The following NEBL variants were observed in gnomAD, a reference collection of about 807,000 sequenced individuals.
NEBL encodes the protein LIM and SH3 protein 2.
In NEBL, 122 loss-of-function variants were observed where a neutral mutation model predicts 140.2. The ratio of observed to expected loss-of-function variants is 0.87; its 90% CI spans 0.75 to 1.01. NEBL has a LOEUF of 1.01. NEBL is among the 50% of genes least tolerant of loss of function. NEBL has a pLI of 0.00. For synonymous variants in NEBL, 436 were observed against 398.9 expected (o/e 1.09, Z -1.11); for missense variants, 1,365 against 1,231.3 (o/e 1.11, Z -1.62).
chr10:21,257,027 C>T (rs1170470405), intron 1 of NEBL, among the ~76,000 whole-genome samples: 1 of 152,202 alleles, frequency 6.6e-6, no homozygotes, highest in East Asian at 1.9e-4. Flanking sequence ...GGAATAACAA[C>T]ACTATGAAAA....
intron 2 of NEBL, among the ~76,000 whole-genome samples, chr10:21,150,855 T>G (rs1426549218): frequency 6.6e-6 from 1 of 152,192 alleles, no homozygotes; most frequent in African/African-American, 2.4e-5. Context: ...AAGTGGAATT[T>G]CACCAACTTC....
Position 20,787,255 on chromosome 10 carries a change from T to C in NEBL, c.2815A>G (p.Met939Val), listed in dbSNP as rs1835497753. The C allele has an allele frequency of 6.2e-7, 1 of 1,613,594 alleles. No individual in the cohort carries two copies. Among genetic ancestry groups the C allele is most frequent in the Non-Finnish European group, 8.5e-7 (1 of 1,179,750 alleles). The change falls in exon 27 of 28, where the codon ATG becomes GTG. Residue 939 changes from methionine to valine, a missense_variant. By Grantham distance (21) the Met-to-Val change is conservative. Coordinates refer to ENST00000377122, the MANE Select transcript of NEBL (RefSeq NM_006393.3). The stretch of plus-strand genomic sequence containing the variant: ...ATGGATGACACACTGGTCTGGTGCA[T>C]GTAGCCATAGCCTTGGGAATGGCTT... ...QQSHSQGYGY[M>V]HQTSVSSMRS...
rs201210624 is a variant in NEBL, at chr10:20,817,665, C to T, written c.2083G>A (p.Gly695Arg). The part of the protein sequence containing the change: ...AVKYKGELQR[G>R]TAISDPPELK... ...TCTGGTGGATCAGAAATTGCAGTTCCCCGTTGAAGTTCTCCCTTATATTTT... is the reference window on the plus strand; with the variant it reads ...TCTGGTGGATCAGAAATTGCAGTTCTCCGTTGAAGTTCTCCCTTATATTTT... The change falls in exon 21 of 28, where the codon GGA becomes AGA. Residue 695 changes from glycine to arginine, a missense_variant. Gly to Arg is a moderately radical substitution (Grantham distance 125). This residue lies in a region of NEBL where 1,323 missense variants were observed against 1,154.8 expected (regional missense o/e 1.15). Coordinates refer to ENST00000377122, the MANE Select transcript of NEBL (RefSeq NM_006393.3). 2.5e-6 allele frequency: 4 copies of T among 1,613,610 alleles called. No individual in the cohort carries two copies. In the African/African-American group the frequency reaches 4.0e-5, roughly 16 times the overall value.
intron 3 of NEBL, among the ~76,000 whole-genome samples, chr10:21,244,730 C>A (rs1376505258): frequency 6.6e-6 from 1 of 151,734 alleles, no homozygotes; most frequent in East Asian, 1.9e-4. Flanking sequence ...ATAAATTAGG[C>A]CAGGCATGGT....
At chr10:20,962,308 A>G (rs1015904562) in intron 3 of NEBL, among the ~76,000 whole-genome samples, 2 of 152,252 alleles carry the variant, frequency 1.3e-5, no homozygotes, top group East Asian at 3.8e-4. Context: ...GCCCTGTCCA[A>G]GAAGTTTTTA....
chr10:20,976,567 C>T (rs745326212), intron 3 of NEBL, among the ~76,000 whole-genome samples: 2 of 152,100 alleles, frequency 1.3e-5, no homozygotes, highest in African/African-American at 2.4e-5. Flanking sequence ...GCTACATATA[C>T]ACCATGGAAT....
intron 5 of NEBL, among the ~76,000 whole-genome samples, chr10:20,879,166 G>A (rs1411405759): frequency 6.6e-6 from 1 of 152,150 alleles, no homozygotes. Flanking sequence ...TTGACTAATT[G>A]ACAGTAACCT....
In NEBL at chr10:20,857,538, GC is replaced by G. The variant is rs1843204164; in HGVS notation, c.903+701del. Among the ~76,000 whole-genome samples the G allele has an allele frequency of 2.6e-5, 4 of 152,258 alleles. No individual in the cohort carries two copies. In the South Asian group the frequency reaches 8.3e-4, roughly 32 times the overall value. ...ACTTATGGTCAAATAAGAGCTCATTGCCACCATGAGATGTACAAAATGGAGC... is the reference window on the plus strand; with the variant it reads ...ACTTATGGTCAAATAAGAGCTCATTGCACCATGAGATGTACAAAATGGAGC... On this transcript the variant is annotated intron_variant, in intron 9 of 27. Transcript: ENST00000377122.
chr10:20,915,053 T>TCAGCCTCC (rs1432284781), intron 4 of NEBL, among the ~76,000 whole-genome samples: 9 of 146,900 alleles, frequency 6.1e-5, no homozygotes, highest in Non-Finnish European at 1.2e-4. Flanking sequence ...TCCACCCACC[T>TCAGCCTCC]CAGCCTCCCA....
chr10:21,018,301 TA>T (rs1282540320), intron 3 of NEBL, among the ~76,000 whole-genome samples: 1 of 152,218 alleles, frequency 6.6e-6, no homozygotes, highest in Non-Finnish European at 1.5e-5. Flanking sequence ...TTGCTTGATT[TA>T]GTTCTATGTC....
At chr10:21,153,376 A>G (rs1056586143) in intron 2 of NEBL, among the ~76,000 whole-genome samples, 2 of 144,180 alleles carry the variant, frequency 1.4e-5, no homozygotes, top group African/African-American at 2.6e-5. Flanking sequence ...GCTGGAGTGC[A>G]ATGGTGAGAT....
At chr10:20,907,562 A>G (rs1848144591) in intron 4 of NEBL, among the ~76,000 whole-genome samples, 1 of 152,224 alleles carries the variant, frequency 6.6e-6, no homozygotes, top group African/African-American at 2.4e-5. Flanking sequence ...GAATTTAAGC[A>G]AACCATTCGT....
At chr10:20,958,325 AG>A (rs1236331882) in intron 4 of NEBL, among the ~76,000 whole-genome samples, 3 of 152,206 alleles carry the variant, frequency 2.0e-5, no homozygotes, top group Non-Finnish European at 4.4e-5. Context: ...TTTGGGGGCA[AG>A]GAGAGGGTGG....
At chr10:21,127,562 A>AG (rs1564520826) in intron 2 of NEBL, among the ~76,000 whole-genome samples, 1 of 147,982 alleles carries the variant, frequency 6.8e-6, no homozygotes. Flanking sequence ...AATCTTGCCT[A>AG]GAAAAAAAAA....
At chr10:21,288,534 G>A (rs1588604580) in intron 1 of NEBL, among the ~76,000 whole-genome samples, 1 of 151,276 alleles carries the variant, frequency 6.6e-6, no homozygotes, top group South Asian at 2.1e-4. Context: ...AGGCTAAGGC[G>A]GGTGGATCAC....
At chr10:21,263,752 G>A (rs1489018890) in intron 1 of NEBL, among the ~76,000 whole-genome samples, 1 of 152,148 alleles carries the variant, frequency 6.6e-6, no homozygotes, top group African/African-American at 2.4e-5. Context: ...ATCACCTGAG[G>A]TCAGGAGTTC....
At chr10:21,104,165 C>A (rs980176640) in intron 2 of NEBL, among the ~76,000 whole-genome samples, 1 of 152,178 alleles carries the variant, frequency 6.6e-6, no homozygotes, top group Non-Finnish European at 1.5e-5. Flanking sequence ...ATTACCAGAG[C>A]TGTATAATAA....
intron 27 of NEBL, among the ~76,000 whole-genome samples, chr10:20,786,552 C>T (rs898235416): frequency 6.6e-6 from 1 of 152,138 alleles, no homozygotes; most frequent in African/African-American, 2.4e-5. Context: ...TAACATCAGA[C>T]AATCTCAAAA....
intron 17 of NEBL, among the ~76,000 whole-genome samples, chr10:20,827,837 C>T (rs1460820288): frequency 6.6e-6 from 1 of 152,040 alleles, no homozygotes; most frequent in African/African-American, 2.4e-5. Context: ...AAACCAAATA[C>T]CGCATTTTCT....
Sources: allele counts gnomAD v4.1 joint callset (sites outside exome capture counted in the v4.1 genomes callset), GRCh38; gene constraint gnomAD v4.1.1; regional missense constraint gnomAD v4.1.1; transcripts MANE v1.5; gene names NCBI Gene and HGNC (gene_info 2026-07-23, HGNC 2026-07-21).